The following ABTB3 variants were observed in gnomAD, a reference collection of about 807,000 sequenced individuals.
ABTB3 encodes ankyrin repeat and BTB domain containing 3.
At chr12:107,470,525 AC>A in the ABTB3 span, among the ~76,000 whole-genome samples, 1 of 151,962 alleles carries the variant, frequency 6.6e-6, no homozygotes, top group Non-Finnish European at 1.5e-5. Context: ...CAGCCAAGCC[AC>A]CCCCATCCCC....
the ABTB3 span, among the ~76,000 whole-genome samples, chr12:107,497,831 A>G: frequency 2.6e-5 from 4 of 151,950 alleles, no homozygotes; most frequent in Non-Finnish European, 5.9e-5. Flanking sequence ...TGACTCATTG[A>G]CTCATTCCCA....
At chr12:107,623,337 G>A in the ABTB3 span, among the ~76,000 whole-genome samples, 27 of 144,094 alleles carry the variant, frequency 1.9e-4, 2 homozygotes, top group Admixed American at 1.4e-3. Flanking sequence ...GGGATTACAG[G>A]TGTGAGCCAC....
the ABTB3 span, among the ~76,000 whole-genome samples, chr12:107,510,529 C>T: frequency 6.6e-6 from 1 of 152,192 alleles, no homozygotes; most frequent in South Asian, 2.1e-4. Context: ...TATAGTATAA[C>T]ACAGTGGTAG....
At chr12:107,544,184 C>T in the ABTB3 span, 2 of 1,584,196 alleles carry the variant, frequency 1.3e-6, no homozygotes, top group Non-Finnish European at 1.7e-6. Flanking sequence ...GGTACTGCCT[C>T]CAGGGTGGGG....
chr12:107,582,912 G>A, the ABTB3 span, among the ~76,000 whole-genome samples: 1 of 152,200 alleles, frequency 6.6e-6, no homozygotes, highest in African/African-American at 2.4e-5. Context: ...GGACTGCTGG[G>A]TGACAGGGAA....
At chr12:107,630,608 T>TA in the ABTB3 span, among the ~76,000 whole-genome samples, 1,564 of 145,826 alleles carry the variant, frequency 0.011, 11 homozygotes, top group Non-Finnish European at 0.016. Context: ...CATGCCCAAT[T>TA]AAAAAAAAAA....
chr12:107,451,277 C>T, the ABTB3 span, among the ~76,000 whole-genome samples: 120 of 152,248 alleles, frequency 7.9e-4, 1 homozygote, highest in Non-Finnish European at 1.5e-3. Flanking sequence ...TTGCAAAAGG[C>T]GAGGTGGAAA....
At chr12:107,468,680 G>A in the ABTB3 span, among the ~76,000 whole-genome samples, 1 of 152,132 alleles carries the variant, frequency 6.6e-6, no homozygotes, top group African/African-American at 2.4e-5. Flanking sequence ...CACCTACTGT[G>A]TGTTAGGCAG....
the ABTB3 span, among the ~76,000 whole-genome samples, chr12:107,481,153 C>G: frequency 6.6e-6 from 1 of 152,068 alleles, no homozygotes; most frequent in Non-Finnish European, 1.5e-5. Flanking sequence ...ATCAATAGTA[C>G]CAAGGTGGAG....
chr12:107,623,444 G>A, the ABTB3 span, among the ~76,000 whole-genome samples: 1 of 131,734 alleles, frequency 7.6e-6, no homozygotes, highest in Admixed American at 9.3e-5. Flanking sequence ...TCAGCTTACT[G>A]TAACCTCTGC....
chr12:107,622,150 T>C, the ABTB3 span, among the ~76,000 whole-genome samples: 20,087 of 152,138 alleles, frequency 0.13, 1,720 homozygotes, highest in African/African-American at 0.24. Flanking sequence ...GTTTTGCTTT[T>C]ACAGGGGGTT....
chr12:107,320,424 G>A, the ABTB3 span, among the ~76,000 whole-genome samples: 29 of 152,360 alleles, frequency 1.9e-4, no homozygotes, highest in Admixed American at 7.2e-4. Context: ...CTCCACCCCT[G>A]CACTGTTTGT....
At chr12:107,333,121 C>T in the ABTB3 span, among the ~76,000 whole-genome samples, 1 of 152,178 alleles carries the variant, frequency 6.6e-6, no homozygotes, top group Admixed American at 6.5e-5. Context: ...TTCACCCCCT[C>T]CCTCATTCCT....
the ABTB3 span, among the ~76,000 whole-genome samples, chr12:107,608,017 C>G: frequency 6.6e-6 from 1 of 152,196 alleles, no homozygotes; most frequent in African/African-American, 2.4e-5. Flanking sequence ...AACCAGGAAT[C>G]TCGAACACCT....
the ABTB3 span, among the ~76,000 whole-genome samples, chr12:107,329,395 C>T: frequency 6.6e-6 from 1 of 152,104 alleles, no homozygotes; most frequent in African/African-American, 2.4e-5. Flanking sequence ...AAGAAAATGT[C>T]GTTGAGAGAA....
chr12:107,481,206 A>G, the ABTB3 span, among the ~76,000 whole-genome samples: 1 of 152,336 alleles, frequency 6.6e-6, no homozygotes, highest in African/African-American at 2.4e-5. Context: ...CTTCTAGCAC[A>G]GAGCTGAGCA....
the ABTB3 span, among the ~76,000 whole-genome samples, chr12:107,488,840 C>T: frequency 2.0e-5 from 3 of 152,074 alleles, no homozygotes; most frequent in Admixed American, 6.5e-5. Context: ...TCAAAAAGAC[C>T]GTTGGAATGC....
the ABTB3 span, among the ~76,000 whole-genome samples, chr12:107,346,822 T>G: frequency 6.6e-6 from 1 of 152,196 alleles, no homozygotes; most frequent in Non-Finnish European, 1.5e-5. Flanking sequence ...GACCTTGGCT[T>G]GCCAGACTCT....
chr12:107,449,641 G>A, the ABTB3 span, among the ~76,000 whole-genome samples: 1 of 152,020 alleles, frequency 6.6e-6, no homozygotes, highest in Non-Finnish European at 1.5e-5. Context: ...TTTAGAAATG[G>A]GTAATGAAGT....
Sources: gnomAD v4.1 joint callset for allele counts (sites outside exome capture counted in the v4.1 genomes callset) on GRCh38, gnomAD v4.1.1 for gene constraint, MANE v1.5 for transcripts, NCBI Gene and HGNC (gene_info 2026-07-23, HGNC 2026-07-21) for gene names.